Variants in TASP1 observed in about 807,000 individuals in gnomAD.
TASP1 encodes the protein taspase 1.
A neutral mutation model predicts 56.6 loss-of-function variants in TASP1; 16 were observed. The observed-to-expected ratio is 0.28, with a 90% confidence interval of 0.19 to 0.43. The LOEUF (loss-of-function observed/expected upper bound fraction) is 0.43. Ranked by LOEUF, TASP1 falls within the 20% of genes least tolerant of loss-of-function variation. The pLI, the probability that TASP1 is intolerant of heterozygous loss-of-function variation, is 1.00. For synonymous variants in TASP1, 179 were observed against 184.2 expected (o/e 0.97, Z 0.23); for missense variants, 393 against 511.6 (o/e 0.77, Z 2.24).
chr20:13,310,011 T>C, the TASP1 span, among the ~76,000 whole-genome samples: 1 of 152,150 alleles, frequency 6.6e-6, no homozygotes, highest in African/African-American at 2.4e-5. Flanking sequence ...AATGTCCATA[T>C]TACCCAAAGC....
chr20:13,405,755 A>C (rs2041894828), intron 13 of TASP1, among the ~76,000 whole-genome samples: 3 of 146,666 alleles, frequency 2.0e-5, no homozygotes, highest in Admixed American at 6.9e-5. Flanking sequence ...ACGGGATTCC[A>C]CCATGTTAGC....
chr20:13,188,654 A>G, the TASP1 span, among the ~76,000 whole-genome samples: 5 of 152,212 alleles, frequency 3.3e-5, no homozygotes, highest in Non-Finnish European at 5.9e-5. Context: ...AATAACCACC[A>G]GTAACATTCT....
At chr20:13,271,010 A>T in the TASP1 span, among the ~76,000 whole-genome samples, 1 of 152,260 alleles carries the variant, frequency 6.6e-6, no homozygotes, top group African/African-American at 2.4e-5. Context: ...TACAAGATAC[A>T]TACTAATTTA....
chr20:13,461,691 C>T (rs1013012770), intron 11 of TASP1, among the ~76,000 whole-genome samples: 2 of 152,226 alleles, frequency 1.3e-5, no homozygotes, highest in South Asian at 4.1e-4. Flanking sequence ...ATTTTGTTTA[C>T]AAAATCAGTT....
chr20:13,442,562 A>G (rs2043256395), intron 11 of TASP1, among the ~76,000 whole-genome samples: 1 of 151,918 alleles, frequency 6.6e-6, no homozygotes. Context: ...GAATTGCTTG[A>G]ACCCCGGAGG....
intron 11 of TASP1, among the ~76,000 whole-genome samples, chr20:13,464,960 C>G (rs1223276288): frequency 2.6e-5 from 4 of 151,786 alleles, no homozygotes; most frequent in Non-Finnish European, 4.4e-5. Flanking sequence ...GCCAGGAATT[C>G]AAGACCAGCC....
At chr20:13,627,750 G>A (rs981376035) in intron 2 of TASP1, among the ~76,000 whole-genome samples, 19 of 95,618 alleles carry the variant, frequency 2.0e-4, no homozygotes, top group African/African-American at 4.5e-4. Context: ...AAAAAAAAAA[G>A]TTGAGCCATT....
intron 10 of TASP1, among the ~76,000 whole-genome samples, chr20:13,488,009 A>G (rs1008372581): frequency 3.3e-5 from 5 of 151,874 alleles, no homozygotes; most frequent in South Asian, 2.1e-4. Flanking sequence ...CTGTAGTACA[A>G]TAAGAAAAAG....
chr20:13,131,447 T>G, the TASP1 span, among the ~76,000 whole-genome samples: 1 of 152,232 alleles, frequency 6.6e-6, no homozygotes, highest in Non-Finnish European at 1.5e-5. Context: ...GTGATACAGA[T>G]AAGGAACTTA....
the TASP1 span, among the ~76,000 whole-genome samples, chr20:13,253,877 A>C: frequency 1.0e-5 from 1 of 98,912 alleles, no homozygotes. Context: ...ATATATATAT[A>C]TGTGTGTGTG....
the TASP1 span, chr20:13,280,027 A>G: frequency 4.7e-6 from 4 of 859,362 alleles, no homozygotes; most frequent in South Asian, 1.8e-5. Context: ...AAACCTCACA[A>G]AGGCTGTCTT....
chr20:13,232,440 G>A, the TASP1 span, among the ~76,000 whole-genome samples: 8 of 152,306 alleles, frequency 5.3e-5, no homozygotes, highest in East Asian at 1.5e-3. Flanking sequence ...TGCTCATGTT[G>A]AGATTCATTC....
intron 12 of TASP1, among the ~76,000 whole-genome samples, chr20:13,418,848 G>C (rs2042345993): frequency 6.6e-6 from 1 of 152,130 alleles, no homozygotes; most frequent in South Asian, 2.1e-4. Flanking sequence ...AACCAGAATT[G>C]AATGAGGAAA....
At chr20:13,279,969 C>A in the TASP1 span, 2 of 1,422,086 alleles carry the variant, frequency 1.4e-6, no homozygotes, top group Non-Finnish European at 1.9e-6. Context: ...GACATGGAGC[C>A]AAGCAAAACC....
chr20:13,249,213 G>A, the TASP1 span, among the ~76,000 whole-genome samples: 4 of 152,198 alleles, frequency 2.6e-5, no homozygotes, highest in Non-Finnish European at 4.4e-5. Flanking sequence ...ATGATCTTCT[G>A]TTCTCCCCAC....
the TASP1 span, among the ~76,000 whole-genome samples, chr20:13,184,234 T>A: frequency 3.9e-5 from 6 of 152,118 alleles, no homozygotes; most frequent in African/African-American, 1.4e-4. Flanking sequence ...CAATAGATTA[T>A]AGAACAAAAG....
chr20:13,334,079 G>C, the TASP1 span, among the ~76,000 whole-genome samples: 13,386 of 152,228 alleles, frequency 0.088, 1,256 homozygotes, highest in African/African-American at 0.24. Flanking sequence ...ACGTAAGGAT[G>C]GGGGAGGGAG....
the TASP1 span, among the ~76,000 whole-genome samples, chr20:13,205,467 A>G: frequency 6.6e-6 from 1 of 152,154 alleles, no homozygotes; most frequent in Non-Finnish European, 1.5e-5. Flanking sequence ...TATTTCTTAC[A>G]GTTCTAAAAG....
At chr20:13,172,261 G>T in the TASP1 span, among the ~76,000 whole-genome samples, 1 of 151,812 alleles carries the variant, frequency 6.6e-6, no homozygotes, top group Non-Finnish European at 1.5e-5. Context: ...CTATCCCAAG[G>T]ATAAAGGGAA....
Sources: gnomAD v4.1 joint callset for allele counts (sites outside exome capture counted in the v4.1 genomes callset) on GRCh38, gnomAD v4.1.1 for gene constraint, MANE v1.5 for transcripts, NCBI Gene and HGNC (gene_info 2026-07-23, HGNC 2026-07-21) for gene names.